MED15: variants seen among roughly 807,000 people sequenced by gnomAD.
MED15 encodes mediator of RNA polymerase II transcription subunit 15.
Under a neutral mutation model 118.7 loss-of-function variants are expected in MED15, and 41 were observed. The observed-to-expected ratio is 0.35, with a 90% CI of 0.27 to 0.45. MED15 has a LOEUF of 0.45. Ranked by LOEUF, MED15 falls within the 20% of genes least tolerant of loss-of-function variation. The probability of loss-of-function intolerance (pLI) is 1.00; values close to 1 mark genes in which losing one functional copy is unlikely to be tolerated. For synonymous variants in MED15, 436 were observed against 413.9 expected (o/e 1.05, Z -0.65); for missense variants, 740 against 1,025.5 (o/e 0.72, Z 3.80).
At chr22:20,508,309 T>C (rs942861180) in intron 1 of MED15, 3 of 1,303,270 alleles carry the variant, frequency 2.3e-6, no homozygotes, top group Non-Finnish European at 3.0e-6. Flanking sequence ...GATCGTCGTT[T>C]CTGGAGGAGA....
chr22:20,518,511 C>G (rs1219479413), intron 1 of MED15, among the ~76,000 whole-genome samples: 1 of 152,192 alleles, frequency 6.6e-6, no homozygotes, highest in Non-Finnish European at 1.5e-5. Context: ...CAGATGACCC[C>G]TGATGGTTAG....
intron 1 of MED15, among the ~76,000 whole-genome samples, chr22:20,531,150 C>CT (rs1189368122): frequency 2.0e-5 from 3 of 151,706 alleles, no homozygotes; most frequent in Admixed American, 1.3e-4. Flanking sequence ...CCTTAGCAGG[C>CT]TTTAAGTTTG....
intron 4 of MED15, 164 bp from the exon 5 acceptor site, chr22:20,554,772 C>G: frequency 6.2e-6 from 4 of 645,240 alleles, no homozygotes; most frequent in Non-Finnish European, 7.8e-6. Flanking sequence ...CCTAGCCATT[C>G]ATATTTGGGA....
In MED15 at chr22:20,586,987, C is replaced by A; in HGVS notation, c.*283C>A. Reference sequence around the variant, plus strand: ...GATGCGATCCTCAGGCTGCTCTCACCGTGGCCTGTCCACGGTCCAGGTCCA... The same window carrying A: ...GATGCGATCCTCAGGCTGCTCTCACAGTGGCCTGTCCACGGTCCAGGTCCA... On this transcript the variant is annotated 3_prime_UTR_variant, in exon 18 of 18. Transcript: ENST00000263205. 1.9e-6 allele frequency: 1 copy of A among 517,298 alleles called. No individual in the cohort carries two copies. Among genetic ancestry groups the A allele is most frequent in the Non-Finnish European group, 3.5e-6 (1 of 285,824 alleles). 32.0% of individuals were successfully genotyped at this position (517,298 alleles called of 1,614,324 possible).
chr22:20,521,424 T>G (rs2054452617), intron 1 of MED15, among the ~76,000 whole-genome samples: 1 of 148,632 alleles, frequency 6.7e-6, no homozygotes, highest in African/African-American at 2.5e-5. Flanking sequence ...TGAGACTGAG[T>G]CTCACTCTGT....
intron 1 of MED15, among the ~76,000 whole-genome samples, chr22:20,517,299 C>T (rs1196883812): frequency 6.6e-6 from 1 of 152,162 alleles, no homozygotes; most frequent in Non-Finnish European, 1.5e-5. Context: ...GGATTCTGTT[C>T]TTAGTCTTGA....
intron 9 of MED15, chr22:20,582,049 C>T (rs1569249469): frequency 6.4e-6 from 1 of 156,840 alleles, no homozygotes; most frequent in Non-Finnish European, 1.4e-5. Flanking sequence ...CCACCTCACT[C>T]CAATTAAGCA....
At chr22:20,546,733 T>G (rs1329834559) in intron 2 of MED15, among the ~76,000 whole-genome samples, 4 of 152,096 alleles carry the variant, frequency 2.6e-5, no homozygotes, top group Admixed American at 2.0e-4. Context: ...ATTTTGATGC[T>G]TAGATGGTCC....
intron 9 of MED15, among the ~76,000 whole-genome samples, chr22:20,577,343 G>A (rs2056851968): frequency 6.6e-6 from 1 of 151,960 alleles, no homozygotes; most frequent in African/African-American, 2.4e-5. Flanking sequence ...GTTGTGGGCT[G>A]GCCACTCCCC....
intron 8 of MED15, among the ~76,000 whole-genome samples, chr22:20,570,106 C>A (rs1410948389): frequency 2.0e-5 from 3 of 152,194 alleles, no homozygotes; most frequent in Non-Finnish European, 2.9e-5. Flanking sequence ...CTCACTGCAA[C>A]CTCTGCCTCC....
At chr22:20,584,694 AT>A in intron 14 of MED15, 160 bp from the exon 15 acceptor site, 1 of 996,274 alleles carries the variant, frequency 1.0e-6, no homozygotes, top group Non-Finnish European at 1.5e-6. Context: ...GGGGTGGGGG[AT>A]TATTCCCAGG....
At chr22:20,518,813 C>T in intron 1 of MED15, 1 of 448,230 alleles carries the variant, frequency 2.2e-6, no homozygotes, top group Non-Finnish European at 4.5e-6. Context: ...ACTTTTTTCC[C>T]TCACAGCTTG....
At chr22:20,515,917 C>A (rs367861369) in intron 1 of MED15, among the ~76,000 whole-genome samples, 1 of 152,014 alleles carries the variant, frequency 6.6e-6, no homozygotes, top group Non-Finnish European at 1.5e-5. Flanking sequence ...GTAGGAGAAT[C>A]GCTTGAACCT....
intron 9 of MED15, among the ~76,000 whole-genome samples, chr22:20,580,484 G>A (rs2056949384): frequency 6.6e-6 from 1 of 152,094 alleles, no homozygotes; most frequent in Non-Finnish European, 1.5e-5. Flanking sequence ...TCAGGTAGAG[G>A]CAAGGGGAGG....
chr22:20,575,768 C>CAA (rs61090860), intron 9 of MED15, among the ~76,000 whole-genome samples: 2 of 146,712 alleles, frequency 1.4e-5, no homozygotes, highest in Admixed American at 6.8e-5. Context: ...ATTTTAAAAA[C>CAA]AAAAAAAAAA....
chr22:20,567,030 C>T (rs533595894), intron 7 of MED15, among the ~76,000 whole-genome samples: 17 of 152,310 alleles, frequency 1.1e-4, no homozygotes, highest in African/African-American at 3.8e-4. Context: ...TTCTGCACCC[C>T]GCACAGGGTA....
At chr22:20,583,690 T>C in intron 13 of MED15, 1 of 417,114 alleles carries the variant, frequency 2.4e-6, no homozygotes, top group East Asian at 4.4e-5. Flanking sequence ...GGCCTGACCA[T>C]CAGCTGGCCC....
chr22:20,527,956 C>CA (rs763536363), intron 1 of MED15, among the ~76,000 whole-genome samples: 1,066 of 94,452 alleles, frequency 0.011, 9 homozygotes, highest in African/African-American at 0.024. Context: ...GACTCCGTCT[C>CA]AAAAAAAAAA....
chr22:20,509,184 A>AG lies in MED15; in HGVS notation c.68+1441dup, dbSNP rs574870822. 4.8e-3 allele frequency among the ~76,000 whole-genome samples: 729 copies of AG among 152,186 alleles called. 5 individuals are homozygous for AG. Among genetic ancestry groups the AG allele is most frequent in the Middle Eastern group, 0.01 (3 of 294 alleles). ...AGAGAGCCCAGGAGATGATGGAATGAGGGTGAGCAGGTACTAGCACTTTAG... is the reference window on the plus strand; with the variant it reads ...AGAGAGCCCAGGAGATGATGGAATGAGGGGTGAGCAGGTACTAGCACTTTAG... On this transcript the variant is annotated intron_variant, in intron 1 of 17. Transcript: ENST00000263205.
Sources: gnomAD v4.1 joint callset for allele counts (sites outside exome capture counted in the v4.1 genomes callset) on GRCh38, gnomAD v4.1.1 for gene constraint, MANE v1.5 for transcripts, NCBI Gene and HGNC (gene_info 2026-07-23, HGNC 2026-07-21) for gene names.